VAV3: variants seen among roughly 807,000 people sequenced by gnomAD.
VAV3 encodes guanine nucleotide exchange factor VAV3.
VAV3 carries 94 observed loss-of-function variants against 131.2 expected under a neutral mutation model. The observed-to-expected ratio is 0.72, with a 90% CI of 0.61 to 0.85. The LOEUF (loss-of-function observed/expected upper bound fraction) is 0.85, where lower values mean the gene tolerates loss of function less well. Among genes scored for constraint, VAV3 ranks in the 40% least tolerant of loss-of-function variants. The probability of loss-of-function intolerance (pLI) is 0.00; values close to 1 mark genes in which losing one functional copy is unlikely to be tolerated. For synonymous variants in VAV3, 349 were observed against 342.0 expected, an observed-to-expected ratio of 1.02 and a Z score of -0.22; for missense variants, 939 against 1,002.7, an observed-to-expected ratio of 0.94 and a Z score of 0.86.
intron 18 of VAV3, among the ~76,000 whole-genome samples, chr1:107,688,067 A>T (rs1659158220): frequency 6.6e-6 from 1 of 152,178 alleles, no homozygotes; most frequent in Admixed American, 6.5e-5. Flanking sequence ...ACATTTCATG[A>T]CGGGGACGCA....
intron 22 of VAV3, among the ~76,000 whole-genome samples, chr1:107,604,663 T>C (rs17019524): frequency 0.36 from 54,658 of 152,052 alleles, 10,171 homozygotes; most frequent in Middle Eastern, 0.42. Context: ...ATCTAAAGAA[T>C]GTTGTCCTGC....
intron 6 of VAV3, among the ~76,000 whole-genome samples, chr1:107,770,099 A>C (rs534519134): frequency 3.6e-4 from 55 of 152,180 alleles, no homozygotes; most frequent in Non-Finnish European, 5.4e-4. Flanking sequence ...ATTCTGCTCC[A>C]GCCACACTGG....
rs116253499 is a variant in VAV3 at position 107,954,056 on chromosome 1, C to T, written c.204+10610G>A. On this transcript the variant is annotated intron_variant, in intron 1 of 26. Coordinates refer to ENST00000370056, the MANE Select transcript of VAV3 (RefSeq NM_006113.5). ...ACTTTGCTGTTCATGGTTCTATCCA[C>T]TAAATGCCCAAGATTAAGGAAAACC... 6.8e-3 allele frequency among the ~76,000 whole-genome samples: 1,039 copies of T among 152,294 alleles called. 4 individuals carry two copies. The highest frequency in any genetic ancestry group is 0.012 in the Non-Finnish European group (801 of 68,020).
intron 17 of VAV3, among the ~76,000 whole-genome samples, chr1:107,698,375 GA>G (rs1225025954): frequency 6.6e-6 from 1 of 152,188 alleles, no homozygotes; most frequent in Non-Finnish European, 1.5e-5. Flanking sequence ...ATCACAAGGG[GA>G]AGCAAACAAT....
intron 2 of VAV3, among the ~76,000 whole-genome samples, chr1:107,842,707 G>A (rs1668780248): frequency 6.6e-6 from 1 of 151,948 alleles, no homozygotes; most frequent in African/African-American, 2.4e-5. Context: ...TTATGCAGGG[G>A]GTGTCATTTT....
chr1:107,656,367 A>G (rs1443575492), intron 19 of VAV3, among the ~76,000 whole-genome samples: 1 of 152,212 alleles, frequency 6.6e-6, no homozygotes. Context: ...CAAGCATAGA[A>G]AGACAAATAT....
At chr1:107,656,943 C>CT (rs57081639) in intron 19 of VAV3, among the ~76,000 whole-genome samples, 4 of 67,740 alleles carry the variant, frequency 5.9e-5, no homozygotes, top group African/African-American at 1.9e-4. Context: ...CAAGACAATC[C>CT]TTTTTTTTTT....
intron 2 of VAV3, among the ~76,000 whole-genome samples, chr1:107,805,091 C>A (rs1442276796): frequency 6.6e-6 from 1 of 152,030 alleles, no homozygotes; most frequent in Non-Finnish European, 1.5e-5. Flanking sequence ...CTTTTAAAAT[C>A]CTTTCTTTGT....
At chr1:107,595,819 A>G (rs1286475653) in intron 25 of VAV3, among the ~76,000 whole-genome samples, 1 of 152,196 alleles carries the variant, frequency 6.6e-6, no homozygotes, top group Non-Finnish European at 1.5e-5. Context: ...GATTTGAGAT[A>G]CTAGGCTAAC....
chr1:107,874,368 C>A (rs1380915299), intron 2 of VAV3, among the ~76,000 whole-genome samples: 1 of 152,146 alleles, frequency 6.6e-6, no homozygotes, highest in Non-Finnish European at 1.5e-5. Context: ...GAAATTCAAG[C>A]AACAGAAATT....
chr1:107,741,907 C>T (rs958387454), intron 15 of VAV3, among the ~76,000 whole-genome samples: 4 of 152,184 alleles, frequency 2.6e-5, no homozygotes, highest in Non-Finnish European at 5.9e-5. Flanking sequence ...GCCCATCCTG[C>T]TTGGTTCCAA....
chr1:107,924,003 C>T (rs1374154209), intron 1 of VAV3, among the ~76,000 whole-genome samples: 1 of 152,124 alleles, frequency 6.6e-6, no homozygotes, highest in Non-Finnish European at 1.5e-5. Flanking sequence ...ATAAGCTCCC[C>T]AGCCTACAGT....
At chr1:107,754,911 C>T (rs1664010567) in intron 12 of VAV3, among the ~76,000 whole-genome samples, 1 of 152,108 alleles carries the variant, frequency 6.6e-6, no homozygotes, top group Non-Finnish European at 1.5e-5. Context: ...CTTATCTAAA[C>T]TAGGACTCCC....
intron 1 of VAV3, among the ~76,000 whole-genome samples, chr1:107,923,255 A>G (rs975275703): frequency 6.6e-6 from 1 of 152,134 alleles, no homozygotes; most frequent in Non-Finnish European, 1.5e-5. Flanking sequence ...CCCCCAACTA[A>G]TAATGAGTCC....
intron 19 of VAV3, among the ~76,000 whole-genome samples, chr1:107,661,238 C>G (rs1356795887): frequency 6.6e-6 from 1 of 152,030 alleles, no homozygotes; most frequent in African/African-American, 2.4e-5. Context: ...CAGTCCCCAC[C>G]AGCCTCCTTC....
chr1:107,893,049 AATATAC>A (rs890934618), intron 1 of VAV3, among the ~76,000 whole-genome samples: 18 of 81,092 alleles, frequency 2.2e-4, no homozygotes, highest in Admixed American at 1.8e-3. Flanking sequence ...AAGAATTAAA[AATATAC>A]ACAGAGTAAA....
At chr1:107,929,287 CA>C (rs372843076) in intron 1 of VAV3, among the ~76,000 whole-genome samples, 4,231 of 92,460 alleles carry the variant, frequency 0.046, 53 homozygotes, top group South Asian at 0.15. Flanking sequence ...CACTCTGTCT[CA>C]AAAAAAAAAA....
intron 15 of VAV3, among the ~76,000 whole-genome samples, chr1:107,719,716 C>T (rs1661365779): frequency 6.6e-6 from 1 of 152,138 alleles, no homozygotes; most frequent in South Asian, 2.1e-4. Flanking sequence ...TGGGTATATA[C>T]CCAAAGGATT....
intron 22 of VAV3, 50 bp downstream of exon 22, chr1:107,609,881 C>T (rs370165567): frequency 6.3e-7 from 1 of 1,579,274 alleles, no homozygotes; most frequent in African/African-American, 1.4e-5. Context: ...CATCCTGGAG[C>T]TAAGGGTATG....
Sources: allele counts gnomAD v4.1 joint callset (sites outside exome capture counted in the v4.1 genomes callset), GRCh38; gene constraint gnomAD v4.1.1; transcripts MANE v1.5; gene names NCBI Gene and HGNC (gene_info 2026-07-23, HGNC 2026-07-21).